RNF217: variants seen among roughly 807,000 people sequenced by gnomAD.
RNF217 encodes E3 ubiquitin-protein ligase RNF217.
In RNF217, 31 loss-of-function variants were observed where a neutral mutation model predicts 57.8. That is an observed-to-expected ratio of 0.54 (90% CI 0.40 to 0.72). The LOEUF (loss-of-function observed/expected upper bound fraction) is 0.72. RNF217 is among the 30% of genes least tolerant of loss of function. The pLI is 0.00. For missense variants in RNF217, 696 were observed against 708.3 expected, an observed-to-expected ratio of 0.98 and a Z score of 0.20; for synonymous variants, 313 against 294.0, an observed-to-expected ratio of 1.06 and a Z score of -0.66.
chr6:125,047,183 C>T (rs918264189), intron 2 of RNF217, among the ~76,000 whole-genome samples: 2 of 151,942 alleles, frequency 1.3e-5, no homozygotes, highest in African/African-American at 2.4e-5. Context: ...TACATAGAAA[C>T]TGAGACTATA....
chr6:125,071,198 C>T lies in RNF217; in HGVS notation c.1282-5459C>T, dbSNP rs1184349092. Among the ~76,000 whole-genome samples, 9 of 152,216 alleles carry T rather than the reference C, an allele frequency of 5.9e-5. No individual in the cohort carries two copies. In the South Asian group the frequency reaches 6.2e-4, roughly 11 times the overall value. ...TCTGACATGATTTCGACTTTTCTTA[C>T]GATTTTTCAACTTTTCCATGATGTG... On this transcript the variant is annotated intron_variant, in intron 3 of 5. Transcript: ENST00000521654.
chr6:125,078,088 A>G (rs1389923962), intron 4 of RNF217, among the ~76,000 whole-genome samples: 1 of 152,206 alleles, frequency 6.6e-6, no homozygotes, highest in East Asian at 1.9e-4. Context: ...ATAGCATTCA[A>G]TAGTCAAGAC....
intron 1 of RNF217, among the ~76,000 whole-genome samples, chr6:124,990,999 T>C (rs1242592227): frequency 2.0e-5 from 3 of 152,142 alleles, no homozygotes; most frequent in African/African-American, 7.2e-5. Context: ...CCCAGGATTT[T>C]GAGGTTGCAG....
chr6:124,985,004 T>C (rs1784322341), intron 1 of RNF217, among the ~76,000 whole-genome samples: 1 of 152,056 alleles, frequency 6.6e-6, no homozygotes, highest in African/African-American at 2.4e-5. Flanking sequence ...AGAAAAGAAA[T>C]GCAAAGTTTA....
rs1486944534 is a variant in RNF217 at position 125,084,969 on chromosome 6, T to C, written c.*2032T>C. ...CTGAACTTAGGCATTAGTTTGGCAA[T>C]ATGTGAATATGATGAACTCTAAACC... is the stretch of plus-strand genomic sequence containing the variant. On this transcript the variant is annotated 3_prime_UTR_variant, in exon 6 of 6. Transcript: ENST00000521654. 6.6e-6 allele frequency: 1 copy of C among 151,640 alleles called. No homozygotes were observed. Among genetic ancestry groups the C allele is most frequent in the African/African-American group, 2.4e-5 (1 of 41,396 alleles). The allele number at this position is 151,640 out of a possible 1,614,324, so 9.4% of individuals were successfully genotyped here.
At chr6:125,065,451 G>A (rs896200274) in intron 3 of RNF217, among the ~76,000 whole-genome samples, 1 of 152,150 alleles carries the variant, frequency 6.6e-6, no homozygotes, top group Non-Finnish European at 1.5e-5. Flanking sequence ...TATTGTGCAG[G>A]ATATTCTAAG....
chr6:125,020,731 T>C (rs917164027), intron 1 of RNF217, among the ~76,000 whole-genome samples: 1 of 152,228 alleles, frequency 6.6e-6, no homozygotes, highest in Non-Finnish European at 1.5e-5. Flanking sequence ...CCATGAATAC[T>C]GTATACTATG....
chr6:125,039,558 G>T (rs1244047664), intron 1 of RNF217, among the ~76,000 whole-genome samples: 1 of 152,072 alleles, frequency 6.6e-6, no homozygotes, highest in African/African-American at 2.4e-5. Context: ...AAATTAACAA[G>T]GACATTGAGG....
intron 1 of RNF217, among the ~76,000 whole-genome samples, chr6:124,988,115 A>G (rs940765522): frequency 6.6e-6 from 1 of 152,130 alleles, no homozygotes; most frequent in Admixed American, 6.5e-5. Flanking sequence ...TGTTAACTGT[A>G]TTGTGAACTG....
chr6:125,033,926 T>G (rs1786481515), intron 1 of RNF217, among the ~76,000 whole-genome samples: 2 of 152,104 alleles, frequency 1.3e-5, no homozygotes, highest in Admixed American at 1.3e-4. Flanking sequence ...GGTTTTGATT[T>G]GCATTTCTCT....
At chr6:125,032,115 C>T (rs1582731232) in intron 1 of RNF217, among the ~76,000 whole-genome samples, 2 of 152,058 alleles carry the variant, frequency 1.3e-5, no homozygotes, top group African/African-American at 4.8e-5. Context: ...GATTCAGTTA[C>T]CTCCCCCTGG....
chr6:125,089,253 T>C lies in RNF217; in HGVS notation c.*6316T>C, dbSNP rs1482581640. ...CTAAAACCAAGCTTCAGAAATTGCTTCGTGACTGTTGTAAGATCAATATTG... is the reference window on the plus strand; with the variant it reads ...CTAAAACCAAGCTTCAGAAATTGCTCCGTGACTGTTGTAAGATCAATATTG... On this transcript the variant is annotated 3_prime_UTR_variant, in exon 6 of 6. Transcript: ENST00000521654. 2 of 152,166 alleles carry C rather than the reference T, an allele frequency of 1.3e-5. No individual in the cohort carries two copies. Among genetic ancestry groups the C allele is most frequent in the Non-Finnish European group, 1.5e-5 (1 of 68,024 alleles). The allele number at this position is 152,166 out of a possible 1,614,324, so 9.4% of individuals were successfully genotyped here. A position where few individuals can be genotyped will look rare whatever the true frequency, so the allele number is the denominator to read the frequency against.
intron 5 of RNF217, 182 bp from the exon 6 acceptor site, chr6:125,082,682 G>A: frequency 7.0e-7 from 1 of 1,432,592 alleles, no homozygotes; most frequent in Non-Finnish European, 9.5e-7. Flanking sequence ...GGTGCTAAAG[G>A]GGAGAAAAGC....
intron 1 of RNF217, among the ~76,000 whole-genome samples, chr6:125,043,987 G>T (rs1205262525): frequency 6.6e-6 from 1 of 151,862 alleles, no homozygotes; most frequent in Non-Finnish European, 1.5e-5. Context: ...CCTTCAGCCT[G>T]CAACTTCTTA....
intron 4 of RNF217, 132 bp downstream of exon 4, chr6:125,076,990 C>T (rs766790811): frequency 4.4e-5 from 33 of 745,292 alleles, no homozygotes; most frequent in African/African-American, 3.2e-4. Flanking sequence ...TATTCTCTCA[C>T]CCTTTAAGAA....
chr6:125,048,218 C>A lies in RNF217; in HGVS notation c.1116+2774C>A, dbSNP rs1465909142. ...TGAGATTCATGGCCACAGTATGGCA[C>A]CCTGTACTGAGACTAAGATCTTTGT... On this transcript the variant is annotated intron_variant, in intron 2 of 5. Coordinates refer to ENST00000521654, the MANE Select transcript of RNF217 (RefSeq NM_001286398.3). 5.2e-6 allele frequency: 7 copies of A among 1,356,254 alleles called. No homozygotes were observed. In the Admixed American group the frequency reaches 1.4e-4, roughly 26 times the overall value. 84.0% of individuals were successfully genotyped at this position (1,356,254 alleles called of 1,614,324 possible). A position where few individuals can be genotyped will look rare whatever the true frequency, so the allele number is the denominator to read the frequency against.
intron 2 of RNF217, among the ~76,000 whole-genome samples, chr6:125,057,403 A>G (rs568685949): frequency 6.6e-6 from 1 of 152,212 alleles, no homozygotes; most frequent in Admixed American, 6.5e-5. Context: ...GCTGGGCTTT[A>G]ACTCCTGACC....
chr6:125,041,406 A>G (rs986658231), intron 1 of RNF217, among the ~76,000 whole-genome samples: 2 of 152,102 alleles, frequency 1.3e-5, no homozygotes, highest in African/African-American at 4.8e-5. Flanking sequence ...AGTCCTCCTC[A>G]TAAAACCAGT....
At position 125,079,991 on chromosome 6, in the gene RNF217, G is replaced by A. The variant is rs538074944; in HGVS notation, c.1484-1445G>A. On this transcript the variant is annotated intron_variant, in intron 4 of 5. Coordinates refer to ENST00000521654, the MANE Select transcript of RNF217 (RefSeq NM_001286398.3). ...TTGGAATAAGTTTATTTCCTATCTC[G>A]TTCCTTCAATTCTGTGATATTTGAG... Among the ~76,000 whole-genome samples the A allele has an allele frequency of 3.9e-5, 6 of 152,008 alleles. No individual in the cohort carries two copies. The South Asian group carries it at 1.0e-3, about 26-fold the overall frequency.
Sources: gnomAD v4.1 joint callset for allele counts (sites outside exome capture counted in the v4.1 genomes callset) on GRCh38, gnomAD v4.1.1 for gene constraint, MANE v1.5 for transcripts, NCBI Gene and HGNC (gene_info 2026-07-23, HGNC 2026-07-21) for gene names.